ZNF680: variants seen among roughly 807,000 people sequenced by gnomAD.
The protein encoded by ZNF680 is zinc finger protein 680, also known as hypothetical protein FLJ90430.
Under a neutral mutation model 12.1 loss-of-function variants are expected in ZNF680, and 6 were observed. The observed-to-expected ratio is 0.49, with a 90% CI of 0.27 to 0.98. ZNF680 has a LOEUF of 0.98. Among genes scored for constraint, ZNF680 ranks in the 50% least tolerant of loss-of-function variants. ZNF680 has a pLI of 0.12. For synonymous variants in ZNF680, 170 were observed against 199.3 expected (o/e 0.85, Z 1.24); for missense variants, 561 against 616.3 (o/e 0.91, Z 0.95).
intron 3 of ZNF680, among the ~76,000 whole-genome samples, chr7:64,539,376 G>GAAA (rs1233424872): frequency 1.4e-5 from 1 of 72,048 alleles, no homozygotes; most frequent in Non-Finnish European, 2.5e-5. Context: ...AAAAAAAAAA[G>GAAA]AAAAGAAAAT....
At chr7:64,507,630 T>C in the ZNF680 span, among the ~76,000 whole-genome samples, 2 of 151,714 alleles carry the variant, frequency 1.3e-5, no homozygotes, top group African/African-American at 4.8e-5. Flanking sequence ...GCCTCCCGAG[T>C]AGCTGGGATT....
At chr7:64,504,445 CAT>C in the ZNF680 span, among the ~76,000 whole-genome samples, 17 of 152,248 alleles carry the variant, frequency 1.1e-4, no homozygotes, top group African/African-American at 2.9e-4. Context: ...TTATCTCATT[CAT>C]ATGTTTTATG....
At chr7:64,546,332 T>C (rs116719818) in intron 1 of ZNF680, among the ~76,000 whole-genome samples, 2,638 of 152,294 alleles carry the variant, frequency 0.017, 93 homozygotes, top group African/African-American at 0.059. Context: ...CCTGTTTACC[T>C]GCTACCACCA....
At chr7:64,524,961 T>A (rs1425110278) in intron 3 of ZNF680, 1 of 150,836 alleles carries the variant, frequency 6.6e-6, no homozygotes. Context: ...CTTGTGAAGA[T>A]GTCCATCCTG....
chr7:64,563,051 G>T lies in ZNF680; in HGVS notation c.-97C>A. On this transcript the variant is annotated 5_prime_UTR_variant, in exon 1 of 4. Transcript: ENST00000309683. ...CAGAGCAGTAAAGACTAGACCTGGAGCTCCCGCAGCAGCTAGAGACAAAGG... is the reference window on the plus strand; with the variant it reads ...CAGAGCAGTAAAGACTAGACCTGGATCTCCCGCAGCAGCTAGAGACAAAGG... The T allele has an allele frequency of 7.0e-7, 1 of 1,433,746 alleles. No homozygotes were observed. The highest frequency in any genetic ancestry group is 9.7e-7 in the Non-Finnish European group (1 of 1,027,074). The allele number at this position is 1,433,746 out of a possible 1,614,324, so 88.8% of individuals were successfully genotyped here. A position where few individuals can be genotyped will look rare whatever the true frequency, so the allele number is the denominator to read the frequency against.
At chr7:64,544,558 C>G (rs923732538) in intron 1 of ZNF680, 126 bp from the exon 2 acceptor site, 35 of 1,429,602 alleles carry the variant, frequency 2.4e-5, no homozygotes, top group Non-Finnish European at 3.0e-5. Context: ...TTCTGACTTA[C>G]AGGAGTGAGT....
chr7:64,511,247 G>A, the ZNF680 span, among the ~76,000 whole-genome samples: 5 of 152,138 alleles, frequency 3.3e-5, no homozygotes, highest in South Asian at 6.2e-4. Flanking sequence ...TCTAGCCTGG[G>A]TGACAGAGCA....
At chr7:64,550,026 T>C (rs938000487) in intron 1 of ZNF680, among the ~76,000 whole-genome samples, 1 of 152,100 alleles carries the variant, frequency 6.6e-6, no homozygotes, top group Non-Finnish European at 1.5e-5. Flanking sequence ...TGAATATAAG[T>C]AGACAGTTTA....
In ZNF680 at chr7:64,521,004, G is replaced by A; in HGVS notation, c.*157C>T. On this transcript the variant is annotated 3_prime_UTR_variant, in exon 4 of 4. Coordinates refer to ENST00000309683, the MANE Select transcript of ZNF680 (RefSeq NM_178558.5). ...TCCTGTGCAATAAGATGTGAGTATT[G>A]GTTAAGTTTTGTCACATTCTTTACA... is the stretch of plus-strand genomic sequence containing the variant. 1 of 750,966 alleles carries A rather than the reference G, an allele frequency of 1.3e-6. No individual in the cohort carries two copies. The highest frequency in any genetic ancestry group is 2.1e-5 in the South Asian group (1 of 48,166). 46.5% of individuals were successfully genotyped at this position (750,966 alleles called of 1,614,324 possible).
chr7:64,557,462 G>A (rs1488804099), intron 1 of ZNF680, among the ~76,000 whole-genome samples: 1 of 151,856 alleles, frequency 6.6e-6, no homozygotes, highest in Non-Finnish European at 1.5e-5. Flanking sequence ...GGCTGAGGCT[G>A]GAGAATCGCT....
intron 3 of ZNF680, among the ~76,000 whole-genome samples, chr7:64,534,234 C>G (rs918785172): frequency 2.0e-5 from 3 of 152,148 alleles, no homozygotes; most frequent in African/African-American, 7.2e-5. Context: ...AGACAACCCA[C>G]AGAGTGGGAA....
chr7:64,542,648 G>C (rs945565022), intron 3 of ZNF680, among the ~76,000 whole-genome samples: 2 of 151,974 alleles, frequency 1.3e-5, no homozygotes, highest in African/African-American at 4.8e-5. Context: ...ATTTAAACAA[G>C]GAGGTAAAAA....
intron 1 of ZNF680, chr7:64,552,190 A>C (rs371280715): frequency 6.6e-6 from 1 of 152,306 alleles, no homozygotes; most frequent in East Asian, 1.9e-4. Flanking sequence ...AGTAGATGGA[A>C]TTACAGGCAC....
intron 1 of ZNF680, among the ~76,000 whole-genome samples, chr7:64,555,066 TTC>T: frequency 6.6e-6 from 1 of 152,206 alleles, no homozygotes; most frequent in East Asian, 1.9e-4. Flanking sequence ...GAGACTTAGA[TTC>T]TGACACAATA....
chr7:64,526,374 G>T lies in ZNF680; in HGVS notation c.254-3874C>A, dbSNP rs1487733458. 4.4e-6 allele frequency: 6 copies of T among 1,378,116 alleles called. No individual in the cohort carries two copies. In the South Asian group the frequency reaches 1.1e-4, roughly 26 times the overall value. 85.4% of individuals were successfully genotyped at this position (1,378,116 alleles called of 1,614,324 possible). A position where few individuals can be genotyped will look rare whatever the true frequency, so the allele number is the denominator to read the frequency against. ...AGGTGACAGTGTTATGATTCATTAT[G>T]ACTAGCACAGTTCTACATGAAGGGC... On this transcript the variant is annotated intron_variant, in intron 3 of 3. Transcript: ENST00000309683.
chr7:64,511,518 AAT>A, the ZNF680 span, among the ~76,000 whole-genome samples: 1 of 152,070 alleles, frequency 6.6e-6, no homozygotes, highest in Non-Finnish European at 1.5e-5. Flanking sequence ...TCCTCTAAAA[AAT>A]AGTCTCTGGC....
chr7:64,513,186 GA>G, the ZNF680 span, among the ~76,000 whole-genome samples: 1 of 151,952 alleles, frequency 6.6e-6, no homozygotes, highest in African/African-American at 2.4e-5. Context: ...AAAAATTGCT[GA>G]AAGTTATCAT....
intron 1 of ZNF680, among the ~76,000 whole-genome samples, chr7:64,546,134 T>C (rs1250570122): frequency 6.6e-6 from 1 of 152,180 alleles, no homozygotes; most frequent in African/African-American, 2.4e-5. Flanking sequence ...AAGTAAAGGT[T>C]TGCAAGTACT....
rs201883909 is a variant in ZNF680, at chr7:64,521,224, T to C, written c.1530A>G (p.Lys510=). Residue 510 remains lysine, a synonymous_variant, in exon 4 of 4, where the codon AAA becomes AAG. Coordinates refer to ENST00000309683, the MANE Select transcript of ZNF680 (RefSeq NM_178558.5). The part of the protein sequence containing the change: ...NRSSHLTRHK[K]IHTGEKLYKP... ...TGTAGAGTTTCTCACCAGTATGAAT[T>C]TTCTTATGTCTAGTAAGGTGTGAGG... The C allele has an allele frequency of 3.1e-6, 5 of 1,613,488 alleles. No homozygotes were observed. The African/African-American group carries it at 6.7e-5, about 22-fold the overall frequency.
Sources: allele counts gnomAD v4.1 joint callset (sites outside exome capture counted in the v4.1 genomes callset), GRCh38; gene constraint gnomAD v4.1.1; transcripts MANE v1.5; gene names NCBI Gene and HGNC (gene_info 2026-07-23, HGNC 2026-07-21).